SKIC2: variants seen among roughly 807,000 people sequenced by gnomAD.
SKIC2 encodes superkiller complex protein 2.
At chr6:31,964,916 G>A in the SKIC2 span, among the ~76,000 whole-genome samples, 11 of 152,102 alleles carry the variant, frequency 7.2e-5, no homozygotes, top group Non-Finnish European at 1.3e-4. This position sits in a 1 kb window ranked among gnomAD's most constrained non-coding sequence, Gnocchi z 5.0. Flanking sequence ...TCAAGAGATC[G>A]AGACCATCCT....
chr6:31,964,128 G>A, the SKIC2 span: 105 of 1,605,400 alleles, frequency 6.5e-5, no homozygotes, highest in East Asian at 1.7e-3. The surrounding 1 kb of genome is among the most constrained non-coding windows in gnomAD (Gnocchi z 5.0). Context: ...TGCCCCAGGT[G>A]CGTCTGTGTG....
the SKIC2 span, chr6:31,969,439 G>A: frequency 6.2e-6 from 10 of 1,614,124 alleles, no homozygotes; most frequent in East Asian, 2.0e-4. This position sits in a 1 kb window ranked among gnomAD's most constrained non-coding sequence, Gnocchi z 6.1. Context: ...CTGAGGTTTG[G>A]GATTTTGCAG....
the SKIC2 span, chr6:31,962,949 G>C: frequency 6.6e-7 from 1 of 1,522,836 alleles, no homozygotes; most frequent in South Asian, 1.1e-5. The surrounding 1 kb of genome is among the most constrained non-coding windows in gnomAD (Gnocchi z 5.0). Context: ...GGCGGCCCCT[G>C]CCCTCATGTG....
At chr6:31,960,451 A>G in the SKIC2 span, 1 of 1,613,914 alleles carries the variant, frequency 6.2e-7, no homozygotes, top group Non-Finnish European at 8.5e-7. Context: ...GAGAACACAA[A>G]TCTCTCGGCT....
chr6:31,968,029 G>A, the SKIC2 span: 2 of 1,613,090 alleles, frequency 1.2e-6, no homozygotes, highest in African/African-American at 1.3e-5. This position sits in a 1 kb window ranked among gnomAD's most constrained non-coding sequence, Gnocchi z 6.1. Context: ...TGCTCCGGGT[G>A]AATGGGGAGA....
At chr6:31,965,866 T>C in the SKIC2 span, 25 of 1,613,034 alleles carry the variant, frequency 1.5e-5, no homozygotes, top group Middle Eastern at 2.1e-3. This position sits in a 1 kb window ranked among gnomAD's most constrained non-coding sequence, Gnocchi z 5.6. Flanking sequence ...GCAAACACGA[T>C]GGCTCCACCT....
chr6:31,962,593 A>G, the SKIC2 span: 5 of 1,611,684 alleles, frequency 3.1e-6, no homozygotes, highest in African/African-American at 6.7e-5. The surrounding 1 kb of genome is among the most constrained non-coding windows in gnomAD (Gnocchi z 5.0). Flanking sequence ...TCGGTGAGAG[A>G]TGGACACTCA....
the SKIC2 span, chr6:31,961,565 T>C: frequency 1.9e-6 from 3 of 1,611,598 alleles, no homozygotes; most frequent in Non-Finnish European, 1.7e-6. Context: ...CACAGCTGTA[T>C]CCACCCCAGA....
chr6:31,965,978 G>A, the SKIC2 span: 23 of 1,609,240 alleles, frequency 1.4e-5, no homozygotes, highest in Non-Finnish European at 2.0e-5. The surrounding 1 kb of genome is among the most constrained non-coding windows in gnomAD (Gnocchi z 5.6). Context: ...CAAGGGCCGA[G>A]TGCCCGAGAT....
the SKIC2 span, chr6:31,962,946 C>G: frequency 6.7e-7 from 1 of 1,503,448 alleles, no homozygotes; most frequent in Non-Finnish European, 9.2e-7. The surrounding 1 kb of genome is among the most constrained non-coding windows in gnomAD (Gnocchi z 5.0). Context: ...AAGGGCGGCC[C>G]CTGCCCTCAT....
At chr6:31,968,292 T>G in the SKIC2 span, 3 of 1,558,098 alleles carry the variant, frequency 1.9e-6, no homozygotes, top group African/African-American at 4.1e-5. The surrounding 1 kb of genome is among the most constrained non-coding windows in gnomAD (Gnocchi z 6.1). Flanking sequence ...GGAGAGAAGA[T>G]CTTACCCCAG....
At chr6:31,967,558 A>G in the SKIC2 span, among the ~76,000 whole-genome samples, 1 of 151,964 alleles carries the variant, frequency 6.6e-6, no homozygotes, top group Non-Finnish European at 1.5e-5. The surrounding 1 kb of genome is among the most constrained non-coding windows in gnomAD (Gnocchi z 4.9). Flanking sequence ...CCACCACCCC[A>G]AGAAGTCTGC....
the SKIC2 span, chr6:31,961,937 A>C: frequency 6.2e-7 from 1 of 1,613,060 alleles, no homozygotes; most frequent in Non-Finnish European, 8.5e-7. Flanking sequence ...GTGTTTCAGA[A>C]ACAGGCCATC....
chr6:31,961,213 C>A, the SKIC2 span: 2 of 1,614,124 alleles, frequency 1.2e-6, no homozygotes, highest in Non-Finnish European at 8.5e-7. Context: ...AACTCCAGCT[C>A]CTGGACTACT....
At chr6:31,963,157 A>C in the SKIC2 span, 1 of 1,150,312 alleles carries the variant, frequency 8.7e-7, no homozygotes, top group Non-Finnish European at 1.3e-6. The surrounding 1 kb of genome is among the most constrained non-coding windows in gnomAD (Gnocchi z 5.3). Context: ...CGGGTGGGGG[A>C]CTAAGTCTAC....
At chr6:31,960,934 C>T in the SKIC2 span, 11 of 957,260 alleles carry the variant, frequency 1.1e-5, no homozygotes, top group Non-Finnish European at 1.9e-5. Context: ...TAGCAAACAT[C>T]CCTATCTACA....
At chr6:31,967,987 G>A in the SKIC2 span, 4 of 1,613,092 alleles carry the variant, frequency 2.5e-6, no homozygotes, top group Non-Finnish European at 3.4e-6. This position sits in a 1 kb window ranked among gnomAD's most constrained non-coding sequence, Gnocchi z 4.9. Flanking sequence ...TCAAGCTCCA[G>A]CCAGGAGATA....
the SKIC2 span, chr6:31,963,726 C>T: frequency 6.5e-7 from 1 of 1,545,722 alleles, no homozygotes; most frequent in Non-Finnish European, 8.7e-7. The surrounding 1 kb of genome is among the most constrained non-coding windows in gnomAD (Gnocchi z 5.3). Flanking sequence ...CAGGGGGGCC[C>T]TGCACAGGTG....
the SKIC2 span, chr6:31,968,525 G>A: frequency 1.9e-6 from 3 of 1,612,424 alleles, no homozygotes; most frequent in Middle Eastern, 1.6e-4. The surrounding 1 kb of genome is among the most constrained non-coding windows in gnomAD (Gnocchi z 6.1). Flanking sequence ...CACAGCCCCC[G>A]TTTTCCTGCC....
Sources: gnomAD v4.1 joint callset for allele counts (sites outside exome capture counted in the v4.1 genomes callset) on GRCh38, gnomAD v4.1.1 for gene constraint, Gnocchi (gnomAD v3.1) non-coding constraint, MANE v1.5 for transcripts, NCBI Gene and HGNC (gene_info 2026-07-23, HGNC 2026-07-21) for gene names.